The following NPSR1 variants were observed in gnomAD, a reference collection of about 807,000 sequenced individuals.
The protein encoded by NPSR1 is neuropeptide S receptor.
NPSR1 carries 48 observed loss-of-function variants against 46.9 expected under a neutral mutation model. That is an observed-to-expected ratio of 1.02 (90% CI 0.81 to 1.30). The LOEUF is 1.30. Among genes scored for constraint, NPSR1 ranks in the 50% most tolerant of loss-of-function variants. The pLI is 0.00. For missense variants in NPSR1, 450 were observed against 449.5 expected (o/e 1.00, Z -0.01); for synonymous variants, 176 against 168.1 (o/e 1.05, Z -0.36).
intron 2 of NPSR1, chr7:34,711,264 C>A (rs1424707472): frequency 6.4e-6 from 1 of 156,372 alleles, no homozygotes. Context: ...ATGATAGATA[C>A]CAATTTGATT....
At chr7:34,749,533 A>C (rs1051437338) in intron 2 of NPSR1, among the ~76,000 whole-genome samples, 17 of 152,230 alleles carry the variant, frequency 1.1e-4, no homozygotes, top group African/African-American at 4.1e-4. Context: ...CCAAAGTCAC[A>C]AAGCAATTAC....
In NPSR1 at chr7:34,779,371, A is replaced by T. The variant is rs35389937; in HGVS notation, c.384+806A>T. 3.2e-3 allele frequency among the ~76,000 whole-genome samples: 482 copies of T among 152,060 alleles called. 3 individuals carry two copies. The highest frequency in any genetic ancestry group is 0.011 in the African/African-American group (466 of 41,554). The stretch of plus-strand genomic sequence containing the variant: ...GATTATTTTTTATTAATATATTTTT[A>T]TTCTGATGCTAGTACTTCAGGTCTA... On this transcript the variant is annotated intron_variant, in intron 3 of 8. Transcript: ENST00000360581.
At position 34,790,988 on chromosome 7, in the gene NPSR1, ATATATGT is replaced by A. The variant is rs1206941846; in HGVS notation, c.384+12443_384+12449del. On this transcript the variant is annotated intron_variant, in intron 3 of 8. Coordinates refer to ENST00000360581, the MANE Select transcript of NPSR1 (RefSeq NM_207172.2). ...TATTATATATGTTATATGTTATATTATATATGTTATATGTTATATGTTATATTATATA... is the reference window on the plus strand; with the variant it reads ...TATTATATATGTTATATGTTATATTATATATGTTATATGTTATATTATATA... Among the ~76,000 whole-genome samples the A allele has an allele frequency of 2.9e-3, 271 of 92,650 alleles. 11 individuals are homozygous for A. In the East Asian group the frequency reaches 0.043, roughly 15 times the overall value. The allele number at this position is 92,650 out of a possible 152,430, so 60.8% of individuals were successfully genotyped here.
intron 1 of NPSR1, among the ~76,000 whole-genome samples, chr7:34,674,154 G>A (rs1317061264): frequency 6.6e-6 from 1 of 152,126 alleles, no homozygotes; most frequent in East Asian, 1.9e-4. Flanking sequence ...TTGACCACCT[G>A]GCATTGCTTC....
At chr7:34,681,712 G>A (rs972399134) in intron 1 of NPSR1, among the ~76,000 whole-genome samples, 3 of 152,084 alleles carry the variant, frequency 2.0e-5, no homozygotes, top group African/African-American at 4.8e-5. Flanking sequence ...TAACTCTAGC[G>A]TTGAAGTGCC....
intron 8 of NPSR1, among the ~76,000 whole-genome samples, chr7:34,875,187 C>G (rs1374288065): frequency 6.6e-6 from 1 of 152,172 alleles, no homozygotes; most frequent in Non-Finnish European, 1.5e-5. Flanking sequence ...AATTCAGGCC[C>G]TAGTCCCACA....
downstream of NPSR1, among the ~76,000 whole-genome samples, chr7:34,852,354 A>C (rs180811147): frequency 3.3e-5 from 5 of 152,222 alleles, no homozygotes; most frequent in Non-Finnish European, 7.4e-5. Context: ...GAAGGGAGGA[A>C]GGAAGGAAAG....
intron 6 of NPSR1, among the ~76,000 whole-genome samples, chr7:34,839,991 C>T (rs891441692): frequency 7.2e-5 from 11 of 152,074 alleles, no homozygotes; most frequent in Non-Finnish European, 1.3e-4. Context: ...GTGAACAGCT[C>T]GTCTGTCTTT....
At chr7:34,725,998 CT>C (rs1482285637) in intron 2 of NPSR1, among the ~76,000 whole-genome samples, 1 of 152,216 alleles carries the variant, frequency 6.6e-6, no homozygotes, top group East Asian at 1.9e-4. Flanking sequence ...CCTCCTTCAC[CT>C]TCCACTATGA....
chr7:34,872,676 A>G (rs1176058689), intron 8 of NPSR1, among the ~76,000 whole-genome samples: 1 of 151,772 alleles, frequency 6.6e-6, no homozygotes, highest in South Asian at 2.1e-4. Flanking sequence ...TATGTCTTAC[A>G]TGGATGGTAG....
At chr7:34,844,605 T>C (rs930474275) in intron 6 of NPSR1, among the ~76,000 whole-genome samples, 3 of 152,184 alleles carry the variant, frequency 2.0e-5, no homozygotes, top group Non-Finnish European at 4.4e-5. Flanking sequence ...TCCTGCATGG[T>C]CACATAGTCT....
At chr7:34,672,120 A>G (rs2128675284) in intron 1 of NPSR1, among the ~76,000 whole-genome samples, 1 of 152,338 alleles carries the variant, frequency 6.6e-6, no homozygotes, top group South Asian at 2.1e-4. Context: ...TCTAGTGCTT[A>G]AATAGCAATT....
chr7:34,864,204 A>C (rs1791254347), intron 8 of NPSR1, among the ~76,000 whole-genome samples: 1 of 151,602 alleles, frequency 6.6e-6, no homozygotes, highest in Admixed American at 6.6e-5. Context: ...AGGGAACATC[A>C]CACACTGGAG....
intron 4 of NPSR1, 38 bp downstream of exon 4, chr7:34,811,901 T>A: frequency 7.7e-7 from 1 of 1,295,284 alleles, no homozygotes; most frequent in South Asian, 1.2e-5. Context: ...CATAAAGAAC[T>A]GTCCTTGAGT....
chr7:34,664,616 TAA>T (rs781560805), intron 1 of NPSR1, among the ~76,000 whole-genome samples: 2 of 144,980 alleles, frequency 1.4e-5, no homozygotes, highest in African/African-American at 5.1e-5. Flanking sequence ...TTCTTTTTTT[TAA>T]AAAAAAAAAA....
intron 2 of NPSR1, among the ~76,000 whole-genome samples, chr7:34,746,656 A>T (rs1785218519): frequency 6.6e-6 from 1 of 152,208 alleles, no homozygotes; most frequent in Non-Finnish European, 1.5e-5. Context: ...AAACTGTATC[A>T]TGAGGTTTTT....
At chr7:34,728,472 C>T (rs1784267886) in intron 2 of NPSR1, among the ~76,000 whole-genome samples, 1 of 152,188 alleles carries the variant, frequency 6.6e-6, no homozygotes, top group African/African-American at 2.4e-5. Context: ...CATCCCCCGA[C>T]AAAGCTCAGA....
intron 2 of NPSR1, among the ~76,000 whole-genome samples, chr7:34,773,649 T>C (rs1299454914): frequency 6.6e-6 from 1 of 152,180 alleles, no homozygotes; most frequent in Non-Finnish European, 1.5e-5. Context: ...CTTGTTGGTC[T>C]CTCTTGTTAG....
At chr7:34,783,664 G>C (rs968892545) in intron 3 of NPSR1, among the ~76,000 whole-genome samples, 1 of 152,120 alleles carries the variant, frequency 6.6e-6, no homozygotes, top group African/African-American at 2.4e-5. Flanking sequence ...AAGAAGGTCA[G>C]AAGTTTCTAA....
Sources: gnomAD v4.1 joint callset for allele counts (sites outside exome capture counted in the v4.1 genomes callset) on GRCh38, gnomAD v4.1.1 for gene constraint, MANE v1.5 for transcripts, NCBI Gene and HGNC (gene_info 2026-07-23, HGNC 2026-07-21) for gene names.